Variants in GALK2 observed in about 807,000 individuals in gnomAD.
GALK2 encodes N-acetylgalactosamine kinase.
A neutral mutation model predicts 52.4 loss-of-function variants in GALK2; 36 were observed. The ratio of observed to expected loss-of-function variants is 0.69; its 90% CI spans 0.53 to 0.91. The LOEUF (loss-of-function observed/expected upper bound fraction) is 0.91. GALK2 is among the 40% of genes least tolerant of loss of function. The probability of loss-of-function intolerance (pLI) is 0.00; values close to 1 mark genes in which losing one functional copy is unlikely to be tolerated. For missense variants in GALK2, 579 were observed against 559.1 expected, an observed-to-expected ratio of 1.04 and a Z score of -0.36; for synonymous variants, 176 against 199.1, an observed-to-expected ratio of 0.88 and a Z score of 0.98.
intron 7 of GALK2, among the ~76,000 whole-genome samples, chr15:49,290,582 G>A (rs1469215125): frequency 6.6e-6 from 1 of 152,208 alleles, no homozygotes; most frequent in Non-Finnish European, 1.5e-5. Flanking sequence ...AAGTGCCTGG[G>A]GCAATGTGAC....
At chr15:49,351,776 C>T (rs923209118) in intron 3 of GALK2, among the ~76,000 whole-genome samples, 4 of 152,146 alleles carry the variant, frequency 2.6e-5, no homozygotes, top group South Asian at 2.1e-4. Context: ...AGGTCTGAAG[C>T]TCAGATGACC....
At chr15:49,241,790 A>G (rs1158485444) in intron 5 of GALK2, among the ~76,000 whole-genome samples, 3 of 152,230 alleles carry the variant, frequency 2.0e-5, no homozygotes, top group Non-Finnish European at 2.9e-5. Flanking sequence ...TAATATACCT[A>G]TCTAAGAAAT....
intron 2 of GALK2, among the ~76,000 whole-genome samples, chr15:49,212,046 T>TA (rs1036327775): frequency 1.3e-5 from 2 of 152,032 alleles, no homozygotes; most frequent in Non-Finnish European, 2.9e-5. Context: ...ATAATATCTT[T>TA]AAAAAAAATT....
intron 3 of GALK2, among the ~76,000 whole-genome samples, chr15:49,232,069 C>A (rs2090532799): frequency 6.6e-6 from 1 of 152,222 alleles, no homozygotes; most frequent in South Asian, 2.1e-4. Context: ...TTCAGTACTG[C>A]CCTAGTAGAG....
At chr15:49,320,482 A>T (rs2036790691) in intron 9 of GALK2, among the ~76,000 whole-genome samples, 1 of 152,238 alleles carries the variant, frequency 6.6e-6, no homozygotes, top group Non-Finnish European at 1.5e-5. Context: ...CTTACCCAGG[A>T]AGGAGCTCAG....
At chr15:49,211,938 GT>G (rs1342389209) in intron 2 of GALK2, among the ~76,000 whole-genome samples, 2 of 152,056 alleles carry the variant, frequency 1.3e-5, no homozygotes, top group African/African-American at 4.8e-5. Flanking sequence ...TATCATATGG[GT>G]CTAGGCATTG....
intron 3 of GALK2, among the ~76,000 whole-genome samples, chr15:49,222,073 A>G (rs540013280): frequency 6.6e-6 from 1 of 152,170 alleles, no homozygotes; most frequent in East Asian, 1.9e-4. Context: ...GTCCTCTTCA[A>G]TTTCATTCAT....
intron 4 of GALK2, among the ~76,000 whole-genome samples, chr15:49,239,012 T>A (rs1378543380): frequency 6.6e-6 from 1 of 151,788 alleles, no homozygotes; most frequent in African/African-American, 2.4e-5. Flanking sequence ...GGCAAGAAAA[T>A]TAAAGGCATT....
intron 5 of GALK2, among the ~76,000 whole-genome samples, chr15:49,279,873 G>A (rs912342111): frequency 6.6e-6 from 1 of 152,228 alleles, no homozygotes; most frequent in Non-Finnish European, 1.5e-5. Flanking sequence ...CACTGGCTCT[G>A]TGTGTCAGCA....
intron 5 of GALK2, among the ~76,000 whole-genome samples, chr15:49,259,361 C>T (rs1344582941): frequency 4.4e-5 from 6 of 135,142 alleles, no homozygotes; most frequent in African/African-American, 1.7e-4. Flanking sequence ...ACAACAGTTC[C>T]CCAGAGTGTG....
chr15:49,170,124 C>A, upstream of GALK2: 1 of 1,305,372 alleles, frequency 7.7e-7, no homozygotes, highest in Non-Finnish European at 1.0e-6. Context: ...TGGAGGGAAC[C>A]CTGGCTGAGT....
intron 2 of GALK2, among the ~76,000 whole-genome samples, chr15:49,216,696 A>G (rs1022477792): frequency 6.6e-6 from 1 of 152,194 alleles, no homozygotes; most frequent in African/African-American, 2.4e-5. Context: ...GCTGAGATTG[A>G]GAATTCTGTC....
chr15:49,218,063 T>C (rs2089522312), intron 3 of GALK2, among the ~76,000 whole-genome samples: 1 of 152,220 alleles, frequency 6.6e-6, no homozygotes, highest in South Asian at 2.1e-4. Context: ...ACTTGATAAT[T>C]ACAGAAAAAG....
intron 5 of GALK2, among the ~76,000 whole-genome samples, chr15:49,246,057 G>A (rs557513404): frequency 1.3e-5 from 2 of 152,290 alleles, no homozygotes; most frequent in African/African-American, 4.8e-5. Flanking sequence ...CTTTCAGAAA[G>A]TGTTGTTTTG....
chr15:49,295,035 T>C (rs926321362), intron 8 of GALK2, among the ~76,000 whole-genome samples: 1 of 152,170 alleles, frequency 6.6e-6, no homozygotes, highest in African/African-American at 2.4e-5. Context: ...CTATACTCTA[T>C]ACTGAATGAG....
At chr15:49,239,413 T>A (rs764622295) in intron 5 of GALK2, 46 bp downstream of exon 5, 5 of 1,557,384 alleles carry the variant, frequency 3.2e-6, no homozygotes, top group Non-Finnish European at 4.4e-6. Context: ...CTCCTAATAA[T>A]CATTAGCATC....
chr15:49,357,356 AAAG>A lies in GALK2; in HGVS notation c.427-10133_427-10131del, dbSNP rs1235435492. Among the ~76,000 whole-genome samples the A allele has an allele frequency of 7.3e-5, 11 of 150,194 alleles. No homozygotes were observed. In the East Asian group the frequency reaches 2.1e-3, roughly 29 times the overall value. On this transcript the variant is annotated intron_variant, in intron 3 of 3. Transcript: ENST00000558399. ...CCGCTAGCAAGACTAATAAAGAAAAAAAGAGAGAAGAATCAAATAGACGCAATA... is the reference window on the plus strand; with the variant it reads ...CCGCTAGCAAGACTAATAAAGAAAAAAGAGAAGAATCAAATAGACGCAATA...
intron 3 of GALK2, among the ~76,000 whole-genome samples, chr15:49,354,999 G>A (rs533795105): frequency 1.5e-4 from 23 of 151,678 alleles, no homozygotes; most frequent in Non-Finnish European, 2.6e-4. Context: ...TCACACGGCA[G>A]GGTACTCCAA....
chr15:49,200,784 A>G (rs8028746), intron 1 of GALK2, among the ~76,000 whole-genome samples: 3,245 of 152,242 alleles, frequency 0.021, 95 homozygotes, highest in South Asian at 0.077. Flanking sequence ...CAAATATACT[A>G]CCGCATGGTA....
Sources: allele counts gnomAD v4.1 joint callset (sites outside exome capture counted in the v4.1 genomes callset), GRCh38; gene constraint gnomAD v4.1.1; transcripts MANE v1.5; gene names NCBI Gene and HGNC (gene_info 2026-07-23, HGNC 2026-07-21).